Variants in ZHX3 observed in about 807,000 individuals in gnomAD.
ZHX3 encodes zinc fingers and homeoboxes 3, also known as zinc fingers and homeoboxes protein 3.
A neutral mutation model predicts 64.5 loss-of-function variants in ZHX3; 20 were observed. The ratio of observed to expected loss-of-function variants is 0.31; its 90% CI spans 0.22 to 0.45. The LOEUF is 0.45. ZHX3 is among the 20% of genes least tolerant of loss of function. The probability of loss-of-function intolerance (pLI) is 1.00; values close to 1 mark genes in which losing one functional copy is unlikely to be tolerated. For missense variants in ZHX3, 1,041 were observed against 1,195.8 expected, an observed-to-expected ratio of 0.87 and a Z score of 1.91; for synonymous variants, 423 against 461.6, an observed-to-expected ratio of 0.92 and a Z score of 1.07.
Position 41,312,701 on chromosome 20 carries a change from G to A in ZHX3, c.-245+4808C>T, listed in dbSNP as rs1453219781. Among the ~76,000 whole-genome samples, 4 of 152,196 alleles carry A rather than the reference G, an allele frequency of 2.6e-5. No individual in the cohort carries two copies. In the East Asian group the frequency reaches 7.7e-4, roughly 29 times the overall value. On this transcript the variant is annotated intron_variant, in intron 1 of 3. Coordinates refer to ENST00000683867, the MANE Select transcript of ZHX3 (RefSeq NM_001384317.1). Reference sequence around the variant, plus strand: ...GTTTAAGGATCTTTCTATGAGACAAGTGGAGGTCTTGAAGAGCCTGTACAG... The same window carrying A: ...GTTTAAGGATCTTTCTATGAGACAAATGGAGGTCTTGAAGAGCCTGTACAG...
chr20:41,184,550 G>C lies in ZHX3; in HGVS notation c.*641C>G, dbSNP rs531131986. On this transcript the variant is annotated 3_prime_UTR_variant, in exon 4 of 4. Transcript: ENST00000683867. ...AGGGTTACAGCAGGTTCTGCACTGA[G>C]TAGCCCACAAGGCAAAGCAAGCCTG... is the stretch of plus-strand genomic sequence containing the variant. 4.5e-5 allele frequency: 12 copies of C among 265,720 alleles called. No homozygotes were observed. Among genetic ancestry groups the C allele is most frequent in the Non-Finnish European group, 7.9e-5 (11 of 139,114 alleles). The allele number at this position is 265,720 out of a possible 1,614,324, so 16.5% of individuals were successfully genotyped here.
chr20:41,263,369 G>C (rs558219308), intron 2 of ZHX3, among the ~76,000 whole-genome samples: 64 of 150,506 alleles, frequency 4.3e-4, no homozygotes, highest in Admixed American at 8.0e-4. Context: ...TAATAATCTT[G>C]AGAAACAAAC....
At chr20:41,187,850 G>A (rs1054953544) in intron 3 of ZHX3, among the ~76,000 whole-genome samples, 1 of 152,200 alleles carries the variant, frequency 6.6e-6, no homozygotes. Context: ...TGCACAGAAT[G>A]TGTAATGATC....
Position 41,204,282 on chromosome 20 carries a change from C to A in ZHX3, c.635G>T (p.Gly212Val), listed in dbSNP as rs2038515719. 1 of 1,614,230 alleles carries A rather than the reference C, an allele frequency of 6.2e-7. No individual in the cohort carries two copies. The change falls in exon 3 of 4, where the codon GGT becomes GTT. Residue 212 changes from glycine (G) to valine (V), a missense_variant. By Grantham distance (109) the Gly-to-Val change is moderately radical. This residue lies in a region of ZHX3 where 358 missense variants were observed against 369.1 expected (regional missense o/e 0.97). Coordinates refer to ENST00000683867, the MANE Select transcript of ZHX3 (RefSeq NM_001384317.1). The surrounding 1 kb of genome is among the most constrained non-coding windows in gnomAD (Gnocchi z 6.6). ...LKENVPSQPVGEALPKLSTGE... is the reference protein window; with the variant it reads ...LKENVPSQPVVEALPKLSTGE... The stretch of plus-strand genomic sequence containing the variant: ...AGTCGACAGCTTTGGTAAGGCCTCA[C>A]CCACAGGCTGGCTAGGGACATTCTC...
At chr20:41,280,723 A>T (rs2043636224) in intron 1 of ZHX3, among the ~76,000 whole-genome samples, 2 of 152,174 alleles carry the variant, frequency 1.3e-5, no homozygotes, top group Admixed American at 1.3e-4. Flanking sequence ...GGCCAAAAAA[A>T]TTTCTTAATC....
intron 1 of ZHX3, among the ~76,000 whole-genome samples, chr20:41,306,966 T>C (rs1370393141): frequency 6.6e-6 from 1 of 152,182 alleles, no homozygotes; most frequent in East Asian, 1.9e-4. Flanking sequence ...GCTAGCACAA[T>C]GGTCCAGCTA....
intron 1 of ZHX3, among the ~76,000 whole-genome samples, chr20:41,296,232 TAAAAAAAAAAAAAAAAAA>T (rs57987896): frequency 3.0e-4 from 22 of 73,006 alleles, no homozygotes; most frequent in South Asian, 8.2e-4. Flanking sequence ...GTTCATAAAG[TAAAAAAAAAAAAAAAAAA>T]AAAAAAAAAA....
In ZHX3 at chr20:41,224,410, T is replaced by C. The variant is rs150718805; in HGVS notation, c.-150-19344A>G. 1.8e-4 allele frequency among the ~76,000 whole-genome samples: 28 copies of C among 152,352 alleles called. No homozygotes were observed. The highest frequency in any genetic ancestry group is 6.0e-4 in the African/African-American group (25 of 41,588). ...TACTTCTGCAGCTAAGTGTCCTGAA[T>C]TCATTGCACATTCTCTCTATACATT... On this transcript the variant is annotated intron_variant, in intron 2 of 3. Coordinates refer to ENST00000683867, the MANE Select transcript of ZHX3 (RefSeq NM_001384317.1). This position sits in a 1 kb window ranked among gnomAD's most constrained non-coding sequence, Gnocchi z 5.2.
chr20:41,196,087 T>C (rs1378868388), intron 3 of ZHX3, among the ~76,000 whole-genome samples: 1 of 151,454 alleles, frequency 6.6e-6, no homozygotes, highest in Non-Finnish European at 1.5e-5. Flanking sequence ...ATTCTGCTTA[T>C]GTCTATTTGG....
At chr20:41,237,096 TA>T (rs2041053556) in intron 2 of ZHX3, among the ~76,000 whole-genome samples, 1 of 152,100 alleles carries the variant, frequency 6.6e-6, no homozygotes, top group African/African-American at 2.4e-5. Flanking sequence ...TGGCAATCAT[TA>T]AAAAGTCAGG....
chr20:41,295,840 G>A (rs760124440), intron 1 of ZHX3, among the ~76,000 whole-genome samples: 3 of 148,960 alleles, frequency 2.0e-5, no homozygotes, highest in African/African-American at 7.4e-5. Context: ...GACACAACGA[G>A]ACTCCGTCTC....
At chr20:41,272,948 T>C (rs1048445805) in intron 1 of ZHX3, among the ~76,000 whole-genome samples, 2 of 152,200 alleles carry the variant, frequency 1.3e-5, no homozygotes, top group Admixed American at 6.5e-5. Context: ...GAGGAACTAC[T>C]ACACTGTTTC....
intron 1 of ZHX3, among the ~76,000 whole-genome samples, chr20:41,283,099 G>C (rs1008321194): frequency 1.3e-5 from 2 of 152,056 alleles, no homozygotes; most frequent in East Asian, 1.9e-4. Context: ...GTAGAAACAG[G>C]GTTTTTGTTA....
chr20:41,317,695 T>TGGGCTCGGCC lies in ZHX3; in HGVS notation c.-441_-432dup, dbSNP rs1260234188. On this transcript the variant is annotated 5_prime_UTR_variant, in exon 1 of 4. Transcript: ENST00000683867. ...ACCAACCGACTCCGGGCCGCTCGGC[T>TGGGCTCGGCC]GGGCTCGGCCGCTCTCGGAGGCGCT... The TGGGCTCGGCC allele has an allele frequency of 1.3e-5, 2 of 151,250 alleles. No homozygotes were observed. Among genetic ancestry groups the TGGGCTCGGCC allele is most frequent in the Non-Finnish European group, 2.9e-5 (2 of 67,800 alleles). 9.4% of individuals were successfully genotyped at this position (151,250 alleles called of 1,614,324 possible).
chr20:41,195,870 T>C lies in ZHX3; in HGVS notation c.2860+6187A>G, dbSNP rs1250702605. ...TTTCTTTGACCCATTAGTTTTTAAA[T>C]AGTGTGTTAATTTCCACCTATTTGT... On this transcript the variant is annotated intron_variant, in intron 3 of 3. Transcript: ENST00000683867. The surrounding 1 kb of genome is among the most constrained non-coding windows in gnomAD (Gnocchi z 4.2). Among the ~76,000 whole-genome samples the C allele has an allele frequency of 1.3e-5, 2 of 152,198 alleles. No homozygotes were observed. Among genetic ancestry groups the C allele is most frequent in the Non-Finnish European group, 2.9e-5 (2 of 68,028 alleles).
At chr20:41,263,932 C>T (rs2042693072) in intron 2 of ZHX3, among the ~76,000 whole-genome samples, 1 of 151,512 alleles carries the variant, frequency 6.6e-6, no homozygotes, top group Admixed American at 6.6e-5. Flanking sequence ...ATACTACTGG[C>T]AAGTGCAAAA....
In ZHX3 at chr20:41,203,105, A is replaced by AG. The variant is rs1489879746; in HGVS notation, c.1811dup (p.Trp605LeufsTer6). ...GTGTGAAGTCAGGAGTCTGGTGCCA[A>AG]GATTGTCGTTTGGCAGAAGGGTGGG... is the stretch of plus-strand genomic sequence containing the variant. On this transcript the variant is annotated frameshift_variant, in exon 3 of 4. Transcript: ENST00000683867. LOFTEE classifies it high-confidence loss of function. The surrounding 1 kb of genome is among the most constrained non-coding windows in gnomAD (Gnocchi z 7.1). The AG allele has an allele frequency of 6.2e-7, 1 of 1,613,884 alleles. No homozygotes were observed. The highest frequency in any genetic ancestry group is 8.5e-7 in the Non-Finnish European group (1 of 1,180,008).
chr20:41,314,507 C>G lies in ZHX3; in HGVS notation c.-245+3002G>C, dbSNP rs139967343. On this transcript the variant is annotated intron_variant, in intron 1 of 3. Transcript: ENST00000683867. ...CCCCACTATGCTCTTGAGGCTTACACTATCACTATCAACTACCAAATTGAA... is the reference window on the plus strand; with the variant it reads ...CCCCACTATGCTCTTGAGGCTTACAGTATCACTATCAACTACCAAATTGAA... Among the ~76,000 whole-genome samples, 9 of 152,330 alleles carry G rather than the reference C, an allele frequency of 5.9e-5. No individual in the cohort carries two copies. The South Asian group carries it at 1.9e-3, about 32-fold the overall frequency.
At chr20:41,205,780 C>T (rs2038657526) in intron 2 of ZHX3, among the ~76,000 whole-genome samples, 1 of 152,218 alleles carries the variant, frequency 6.6e-6, no homozygotes, top group Admixed American at 6.5e-5. Context: ...GCAAGCTATA[C>T]ATTTTCTGTG....
Sources: gnomAD v4.1 joint callset for allele counts (sites outside exome capture counted in the v4.1 genomes callset) on GRCh38, gnomAD v4.1.1 for gene constraint, gnomAD v4.1.1 regional missense constraint, Gnocchi (gnomAD v3.1) non-coding constraint, MANE v1.5 for transcripts, NCBI Gene and HGNC (gene_info 2026-07-23, HGNC 2026-07-21) for gene names.